The following AGBL1 variants were observed in gnomAD, a reference collection of about 807,000 sequenced individuals.
The protein encoded by AGBL1 is cytosolic carboxypeptidase 4.
In AGBL1, 130 loss-of-function variants were observed where a neutral mutation model predicts 118.9. The ratio of observed to expected loss-of-function variants is 1.09; its 90% CI spans 0.95 to 1.26. The LOEUF (loss-of-function observed/expected upper bound fraction) is 1.26, where lower values mean the gene tolerates loss of function less well. Ranked by LOEUF, AGBL1 falls within the 50% of genes most tolerant of loss-of-function variation. The pLI is 0.00. For missense variants in AGBL1, 1,584 were observed against 1,298.1 expected, an observed-to-expected ratio of 1.22 and a Z score of -3.38; for synonymous variants, 555 against 478.9, an observed-to-expected ratio of 1.16 and a Z score of -2.08.
chr15:86,677,026 C>T (rs1208692018), intron 22 of AGBL1, among the ~76,000 whole-genome samples: 2 of 151,900 alleles, frequency 1.3e-5, no homozygotes, highest in Non-Finnish European at 2.9e-5. Flanking sequence ...AAACAAACAA[C>T]AACAAAAAAA....
At chr15:86,969,862 C>T (rs2081089878) in intron 23 of AGBL1, among the ~76,000 whole-genome samples, 1 of 151,888 alleles carries the variant, frequency 6.6e-6, no homozygotes, top group South Asian at 2.1e-4. Context: ...CTACAGTCAC[C>T]TCACTGAGGA....
In AGBL1 at chr15:86,913,632, G is replaced by A. The variant is rs2080381563; in HGVS notation, c.*6338G>A. ...TAATCCCAGAATTATGGGAGGCCAA[G>A]CTGGGAGGATCCCTTGAGCCCAGGA... is the stretch of plus-strand genomic sequence containing the variant. On this transcript the variant is annotated 3_prime_UTR_variant, in exon 23 of 23. Coordinates refer to ENST00000614907, the MANE Select transcript of AGBL1 (RefSeq NM_001386094.1). 1 of 152,396 alleles carries A rather than the reference G, an allele frequency of 6.6e-6. No individual in the cohort carries two copies. The highest frequency in any genetic ancestry group is 2.4e-5 in the African/African-American group (1 of 41,456). 9.4% of individuals were successfully genotyped at this position (152,396 alleles called of 1,614,324 possible).
chr15:86,784,375 A>T (rs1183142950), intron 22 of AGBL1, among the ~76,000 whole-genome samples: 1 of 152,202 alleles, frequency 6.6e-6, no homozygotes, highest in Non-Finnish European at 1.5e-5. Flanking sequence ...AATTCCAGAA[A>T]TAATAGCCAA....
chr15:86,801,842 A>C (rs987499159), intron 22 of AGBL1, among the ~76,000 whole-genome samples: 14 of 152,104 alleles, frequency 9.2e-5, no homozygotes, highest in African/African-American at 3.1e-4. Context: ...TGGTTATTAC[A>C]TGTGCCCTCT....
intron 22 of AGBL1, among the ~76,000 whole-genome samples, chr15:86,736,585 G>A (rs2077602907): frequency 6.6e-6 from 1 of 152,096 alleles, no homozygotes; most frequent in South Asian, 2.1e-4. Flanking sequence ...GGCATTCAAG[G>A]CTATTCTCAT....
chr15:86,334,197 A>G (rs559212982), intron 17 of AGBL1, among the ~76,000 whole-genome samples: 3 of 152,136 alleles, frequency 2.0e-5, no homozygotes, highest in Non-Finnish European at 4.4e-5. Flanking sequence ...AGGCAAGAAA[A>G]AGAAGACATC....
intron 22 of AGBL1, among the ~76,000 whole-genome samples, chr15:86,686,966 T>A (rs1817569840): frequency 6.6e-6 from 1 of 152,162 alleles, no homozygotes; most frequent in African/African-American, 2.4e-5. Flanking sequence ...AAGACCAGAA[T>A]GTTTAACCAC....
At chr15:86,603,986 C>A (rs1382288530) in intron 21 of AGBL1, among the ~76,000 whole-genome samples, 2 of 152,082 alleles carry the variant, frequency 1.3e-5, no homozygotes, top group African/African-American at 2.4e-5. Context: ...ACTATTGAGC[C>A]ATCCCCAAAT....
chr15:86,136,610 C>T (rs2076892679), intron 1 of AGBL1, among the ~76,000 whole-genome samples: 2 of 152,178 alleles, frequency 1.3e-5, no homozygotes, highest in African/African-American at 4.8e-5. Flanking sequence ...AAGCCTGCAT[C>T]AGCATGAGCC....
At chr15:86,994,336 A>G (rs797012216) in intron 24 of AGBL1, among the ~76,000 whole-genome samples, 4 of 152,166 alleles carry the variant, frequency 2.6e-5, no homozygotes, top group African/African-American at 9.6e-5. Context: ...CTGGCCTGTG[A>G]TCTCTCTACG....
chr15:86,347,964 A>G (rs188333379), intron 17 of AGBL1, among the ~76,000 whole-genome samples: 2 of 152,290 alleles, frequency 1.3e-5, no homozygotes, highest in East Asian at 3.9e-4. Context: ...CATTGCTTTA[A>G]TTTAATAAAC....
chr15:86,419,845 C>G (rs553717512), intron 18 of AGBL1, among the ~76,000 whole-genome samples: 26 of 152,266 alleles, frequency 1.7e-4, no homozygotes, highest in African/African-American at 5.5e-4. Flanking sequence ...ACAAAGCCGC[C>G]CAGAAGTTAG....
chr15:86,898,275 T>C (rs1300229483), intron 22 of AGBL1, among the ~76,000 whole-genome samples: 1 of 152,190 alleles, frequency 6.6e-6, no homozygotes, highest in Non-Finnish European at 1.5e-5. Context: ...AAATCTTTTC[T>C]GATTCCTGTG....
chr15:86,600,046 A>G (rs1275393476), intron 21 of AGBL1, among the ~76,000 whole-genome samples: 1 of 152,114 alleles, frequency 6.6e-6, no homozygotes, highest in Non-Finnish European at 1.5e-5. Flanking sequence ...GCCATCTTAG[A>G]TTTAATTTTG....
chr15:86,167,195 C>G (rs1023476185), intron 5 of AGBL1, among the ~76,000 whole-genome samples: 13 of 151,868 alleles, frequency 8.6e-5, no homozygotes, highest in African/African-American at 3.1e-4. Flanking sequence ...TCAGGAGGGA[C>G]TCTTGTGGTT....
chr15:86,753,397 C>CTTTTTTTTTTTTTTTTT (rs1555446759), intron 22 of AGBL1, among the ~76,000 whole-genome samples: 1 of 111,298 alleles, frequency 9.0e-6, no homozygotes, highest in Non-Finnish European at 1.9e-5. Context: ...TTTTCTTTTT[C>CTTTTTTTTTTTTTTTTT]TTTTTTTTTT....
rs770556494 is a variant in AGBL1 at position 86,870,454 on chromosome 15, C to CAAAAAA, written c.3159-36596_3159-36591dup. Reference sequence around the variant, plus strand: ...GGCAAGAAAAAAGTAAAGCATACTGCAAAAAAAAAAAAAAAAAAAAAAAAA... The same window carrying CAAAAAA: ...GGCAAGAAAAAAGTAAAGCATACTGCAAAAAAAAAAAAAAAAAAAAAAAAAAAAAAA... On this transcript the variant is annotated intron_variant, in intron 22 of 22. Transcript: ENST00000614907. Among the ~76,000 whole-genome samples, 152 of 64,040 alleles carry CAAAAAA rather than the reference C, an allele frequency of 2.4e-3. 11 individuals are homozygous for CAAAAAA. The highest frequency in any genetic ancestry group is 3.2e-3 in the Non-Finnish European group (115 of 36,140). 42.0% of individuals were successfully genotyped at this position (64,040 alleles called of 152,430 possible).
intron 6 of AGBL1, among the ~76,000 whole-genome samples, chr15:86,230,689 C>T (rs2078441771): frequency 6.6e-6 from 1 of 152,150 alleles, no homozygotes; most frequent in African/African-American, 2.4e-5. Context: ...CAGGGATATT[C>T]AAATATTTGT....
At chr15:86,281,287 G>A (rs2079349830) in intron 16 of AGBL1, among the ~76,000 whole-genome samples, 1 of 152,194 alleles carries the variant, frequency 6.6e-6, no homozygotes, top group Non-Finnish European at 1.5e-5. Flanking sequence ...GGGAGGCTGA[G>A]TTGGAGGATC....
Sources: allele counts gnomAD v4.1 joint callset (sites outside exome capture counted in the v4.1 genomes callset), GRCh38; gene constraint gnomAD v4.1.1; transcripts MANE v1.5; gene names NCBI Gene and HGNC (gene_info 2026-07-23, HGNC 2026-07-21).